The following CELF5 variants were observed in gnomAD, a reference collection of about 807,000 sequenced individuals.
CELF5 encodes the protein CUG-BP and ETR-3 like factor 5.
CELF5 carries 6 observed loss-of-function variants against 54.9 expected under a neutral mutation model. The ratio of observed to expected loss-of-function variants is 0.11; its 90% CI spans 0.06 to 0.22. The LOEUF (loss-of-function observed/expected upper bound fraction) is 0.22. CELF5 is among the 10% of genes least tolerant of loss of function. CELF5 has a pLI of 1.00. For synonymous variants in CELF5, 271 were observed against 290.9 expected, an observed-to-expected ratio of 0.93 and a Z score of 0.70; for missense variants, 401 against 678.6, an observed-to-expected ratio of 0.59 and a Z score of 4.54.
In CELF5 at chr19:3,278,475, T is replaced by C. The variant is rs2080093310; in HGVS notation, c.603+365T>C. Among the ~76,000 whole-genome samples the C allele has an allele frequency of 1.3e-5, 2 of 151,804 alleles. No individual in the cohort carries two copies. Reference sequence around the variant, plus strand: ...TGTCATTACTAGTAGGCGAGTGTTATGTGAGTGCTGTGTGCACGAGGGGTG... The same window carrying C: ...TGTCATTACTAGTAGGCGAGTGTTACGTGAGTGCTGTGTGCACGAGGGGTG... On this transcript the variant is annotated intron_variant, in intron 5 of 12. Coordinates refer to ENST00000292672, the MANE Select transcript of CELF5 (RefSeq NM_021938.4). The surrounding 1 kb of genome is among the most constrained non-coding windows in gnomAD (Gnocchi z 4.5).
At position 3,234,132 on chromosome 19, in the gene CELF5, C is replaced by T. The variant is rs1162842605; in HGVS notation, c.259+9134C>T. On this transcript the variant is annotated intron_variant, in intron 1 of 12. Coordinates refer to ENST00000292672, the MANE Select transcript of CELF5 (RefSeq NM_021938.4). ...TGCCTCTAGCAGAGCTAGGAGCCAC[C>T]AGAAGAACTTTGTACACATAGGGAA... Among the ~76,000 whole-genome samples the T allele has an allele frequency of 4.6e-5, 7 of 152,104 alleles. No individual in the cohort carries two copies. In the East Asian group the frequency reaches 1.3e-3, roughly 29 times the overall value.
chr19:3,244,225 T>C (rs1231258784), intron 1 of CELF5, among the ~76,000 whole-genome samples: 4 of 152,032 alleles, frequency 2.6e-5, no homozygotes, highest in Admixed American at 1.3e-4. Flanking sequence ...GGGCGGGCTT[T>C]TGTGAGCATG....
chr19:3,284,809 T>G, intron 8 of CELF5, 93 bp from the exon 9 acceptor site: 4 of 1,031,474 alleles, frequency 3.9e-6, no homozygotes, highest in Non-Finnish European at 6.0e-6. Context: ...CTGGGCGGGG[T>G]GTTTGTTGCT....
At chr19:3,280,529 C>T (rs548463002) in intron 5 of CELF5, among the ~76,000 whole-genome samples, 51 of 152,212 alleles carry the variant, frequency 3.4e-4, no homozygotes, top group African/African-American at 1.1e-3. Context: ...GAGCCGAGAT[C>T]GCGCCATTGC....
chr19:3,230,723 G>A (rs968817645), intron 1 of CELF5, among the ~76,000 whole-genome samples: 2 of 152,210 alleles, frequency 1.3e-5, no homozygotes, highest in East Asian at 1.9e-4. Context: ...CCTCTTCCCA[G>A]CCTCCCAGCC....
intron 1 of CELF5, among the ~76,000 whole-genome samples, chr19:3,247,792 T>G (rs1347190847): frequency 2.0e-5 from 3 of 151,820 alleles, no homozygotes; most frequent in Admixed American, 6.6e-5. Context: ...GAAAGCACTT[T>G]GCTCTGTTGC....
chr19:3,247,283 C>T (rs935365575), intron 1 of CELF5, among the ~76,000 whole-genome samples: 7 of 152,106 alleles, frequency 4.6e-5, no homozygotes, highest in South Asian at 4.1e-4. Flanking sequence ...CCTGCCACCA[C>T]GCCCGACTAA....
intron 1 of CELF5, among the ~76,000 whole-genome samples, chr19:3,247,553 C>A (rs1273957388): frequency 6.6e-6 from 1 of 151,290 alleles, no homozygotes; most frequent in Admixed American, 6.6e-5. Context: ...TGAGCCACTG[C>A]GCCCGGTCTC....
chr19:3,247,351 C>T (rs993871139), intron 1 of CELF5, among the ~76,000 whole-genome samples: 1 of 152,090 alleles, frequency 6.6e-6, no homozygotes, highest in African/African-American at 2.4e-5. Flanking sequence ...TGGTCTCGAT[C>T]TCCTGACCTC....
rs1219697651 is a variant in CELF5, at chr19:3,281,326, A to G, written c.731A>G (p.Tyr244Cys). 1.2e-6 allele frequency: 2 copies of G among 1,609,288 alleles called. No individual in the cohort carries two copies. Among genetic ancestry groups the G allele is most frequent in the Admixed American group, 3.3e-5 (2 of 59,986 alleles). The change falls in exon 6 of 13, where the codon TAC (tyrosine) becomes TGC (cysteine). Residue 244 changes from tyrosine to cysteine, a missense_variant. Tyr to Cys is a radical substitution (Grantham distance 194). This residue lies in a region of CELF5 where 87 missense variants were observed against 190.2 expected (regional missense o/e 0.46). Transcript: ENST00000292672. This position sits in a 1 kb window ranked among gnomAD's most constrained non-coding sequence, Gnocchi z 6.5. Reference sequence around the variant, plus strand: ...TCCCTCACATTGCCCTTCAGCCCCTACAGTGCCTACGCCCAGGCTGTGAGT... The same window carrying G: ...TCCCTCACATTGCCCTTCAGCCCCTGCAGTGCCTACGCCCAGGCTGTGAGT... Reference protein sequence around the residue: ...TPSLTLPFSPYSAYAQALMQQ... With the variant: ...TPSLTLPFSPCSAYAQALMQQ...
intron 2 of CELF5, among the ~76,000 whole-genome samples, chr19:3,257,339 G>C (rs1475466369): frequency 6.6e-6 from 1 of 152,146 alleles, no homozygotes; most frequent in Non-Finnish European, 1.5e-5. Context: ...GTGGAGGAGA[G>C]GGGGAAGAGG....
chr19:3,246,102 G>A (rs889775344), intron 1 of CELF5, among the ~76,000 whole-genome samples: 4 of 152,210 alleles, frequency 2.6e-5, no homozygotes, highest in African/African-American at 7.2e-5. Flanking sequence ...GGTGGCTTAC[G>A]CCTATAATCC....
chr19:3,226,390 G>C (rs1916912534), intron 1 of CELF5, among the ~76,000 whole-genome samples: 1 of 146,594 alleles, frequency 6.8e-6, no homozygotes, highest in South Asian at 2.2e-4. Context: ...GTTATCTTGA[G>C]GGAGGAAAGA....
chr19:3,240,205 C>A (rs1044171506), intron 1 of CELF5, among the ~76,000 whole-genome samples: 1 of 151,910 alleles, frequency 6.6e-6, no homozygotes, highest in African/African-American at 2.4e-5. Context: ...TTAGTAGAGA[C>A]GGGGTTTCAT....
rs558004598 is a variant in CELF5 at position 3,266,634 on chromosome 19, C to A, written c.343-7238C>A. Among the ~76,000 whole-genome samples the A allele has an allele frequency of 9.9e-4, 151 of 152,182 alleles. 1 individual carries two copies. Among genetic ancestry groups the A allele is most frequent in the Non-Finnish European group, 1.8e-3 (123 of 68,034 alleles). ...TCAAGGGTGTTCTTTGGTGGACACA[C>A]GTCACACTTCTCTCAAGTGTATCCC... On this transcript the variant is annotated intron_variant, in intron 2 of 12. Coordinates refer to ENST00000292672, the MANE Select transcript of CELF5 (RefSeq NM_021938.4).
intron 1 of CELF5, among the ~76,000 whole-genome samples, chr19:3,248,589 ACC>A (rs1210991633): frequency 1.3e-5 from 2 of 152,038 alleles, no homozygotes; most frequent in Non-Finnish European, 2.9e-5. Context: ...GTGTGGGTCG[ACC>A]GTATTGTATC....
intron 1 of CELF5, among the ~76,000 whole-genome samples, chr19:3,250,547 G>C (rs551494450): frequency 6.6e-6 from 1 of 152,180 alleles, no homozygotes; most frequent in African/African-American, 2.4e-5. Flanking sequence ...ATATTCACAC[G>C]GTTGTGCAAC....
chr19:3,281,800 C>G lies in CELF5; in HGVS notation c.751-326C>G, dbSNP rs771816171. ...CTCAGTCTGAGCCTCACTTCCTAAC[C>G]GAGCCTTGATCCTAGATTGAGCCTT... is the stretch of plus-strand genomic sequence containing the variant. On this transcript the variant is annotated intron_variant, in intron 6 of 12. Coordinates refer to ENST00000292672, the MANE Select transcript of CELF5 (RefSeq NM_021938.4). The surrounding 1 kb of genome is among the most constrained non-coding windows in gnomAD (Gnocchi z 6.5). Among the ~76,000 whole-genome samples the G allele has an allele frequency of 6.6e-6, 1 of 151,950 alleles. No homozygotes were observed. Among genetic ancestry groups the G allele is most frequent in the Non-Finnish European group, 1.5e-5 (1 of 67,998 alleles).
intron 4 of CELF5, among the ~76,000 whole-genome samples, chr19:3,276,581 C>G (rs2080057000): frequency 6.7e-6 from 1 of 149,096 alleles, no homozygotes; most frequent in Non-Finnish European, 1.5e-5. Context: ...CTGGGAGAAG[C>G]TGGTTCACAG....
Sources: gnomAD v4.1 joint callset for allele counts (sites outside exome capture counted in the v4.1 genomes callset) on GRCh38, gnomAD v4.1.1 for gene constraint, gnomAD v4.1.1 regional missense constraint, Gnocchi (gnomAD v3.1) non-coding constraint, MANE v1.5 for transcripts, NCBI Gene and HGNC (gene_info 2026-07-23, HGNC 2026-07-21) for gene names.